Variants in PCDH15 observed in about 807,000 individuals in gnomAD.
PCDH15 encodes the protein protocadherin related 15.
Under a neutral mutation model 178.5 loss-of-function variants are expected in PCDH15, and 129 were observed. The ratio of observed to expected loss-of-function variants is 0.72; its 90% CI spans 0.63 to 0.84. The LOEUF is 0.84. Among genes scored for constraint, PCDH15 ranks in the 40% least tolerant of loss-of-function variants. The probability of loss-of-function intolerance (pLI) is 0.00; values close to 1 mark genes in which losing one functional copy is unlikely to be tolerated. For missense variants in PCDH15, 2,230 were observed against 2,099.9 expected, an observed-to-expected ratio of 1.06 and a Z score of -1.21; for synonymous variants, 800 against 732.0, an observed-to-expected ratio of 1.09 and a Z score of -1.50.
chr10:55,286,102 T>C (rs1031348127), intron 1 of PCDH15, among the ~76,000 whole-genome samples: 2 of 151,986 alleles, frequency 1.3e-5, no homozygotes. Flanking sequence ...AGAACACTCA[T>C]ATAATACCTA....
At chr10:53,968,142 C>T (rs2134391220) in intron 21 of PCDH15, among the ~76,000 whole-genome samples, 1 of 152,286 alleles carries the variant, frequency 6.6e-6, no homozygotes, top group East Asian at 1.9e-4. Flanking sequence ...AAAATTGGTA[C>T]ACTCCCACTC....
At chr10:54,988,067 A>G (rs1395309314) in intron 2 of PCDH15, among the ~76,000 whole-genome samples, 1 of 152,146 alleles carries the variant, frequency 6.6e-6, no homozygotes, top group Non-Finnish European at 1.5e-5. Context: ...GTCCAGTTTC[A>G]GTTTTCTGCA....
chr10:53,834,336 G>C (rs1048766972), intron 29 of PCDH15, among the ~76,000 whole-genome samples: 1 of 152,034 alleles, frequency 6.6e-6, no homozygotes, highest in Non-Finnish European at 1.5e-5. Flanking sequence ...GTTTTCCAAT[G>C]GTTTCTGTAG....
intron 3 of PCDH15, among the ~76,000 whole-genome samples, chr10:54,839,472 T>A (rs1953378572): frequency 6.6e-6 from 1 of 151,920 alleles, no homozygotes; most frequent in Admixed American, 6.6e-5. Context: ...ATTAGCCAGT[T>A]GAAGAAATAA....
chr10:54,092,141 T>A (rs925548906), intron 15 of PCDH15, among the ~76,000 whole-genome samples: 5 of 152,158 alleles, frequency 3.3e-5, no homozygotes, highest in Admixed American at 3.3e-4. Context: ...TGCAACTCCA[T>A]CCTCCTACTT....
chr10:55,456,108 A>T (rs1169720184), intron 2 of PCDH15, among the ~76,000 whole-genome samples: 2 of 152,148 alleles, frequency 1.3e-5, no homozygotes, highest in African/African-American at 4.8e-5. Context: ...ATATGGCTTC[A>T]ACTCTGCTTA....
intron 14 of PCDH15, among the ~76,000 whole-genome samples, chr10:54,136,502 T>C (rs12781225): frequency 0.27 from 41,253 of 151,926 alleles, 6,763 homozygotes; most frequent in East Asian, 0.89. Flanking sequence ...TTCAGTTTAC[T>C]GGTCAAGAAT....
chr10:54,434,752 T>C (rs1421550235), intron 3 of PCDH15, among the ~76,000 whole-genome samples: 1 of 152,188 alleles, frequency 6.6e-6, no homozygotes, highest in African/African-American at 2.4e-5. Flanking sequence ...ATTCACTCTC[T>C]AGAACAAAAT....
At chr10:54,179,827 C>T (rs957845217) in intron 13 of PCDH15, among the ~76,000 whole-genome samples, 3 of 152,130 alleles carry the variant, frequency 2.0e-5, no homozygotes, top group African/African-American at 7.2e-5. Context: ...TTGAGAATCA[C>T]AGTTTAAGAG....
intron 8 of PCDH15, among the ~76,000 whole-genome samples, chr10:54,247,475 G>T (rs1454823215): frequency 6.6e-6 from 1 of 151,932 alleles, no homozygotes; most frequent in Non-Finnish European, 1.5e-5. Context: ...CTGAATTTCT[G>T]TAGGACATCT....
intron 2 of PCDH15, among the ~76,000 whole-genome samples, chr10:55,544,020 G>A (rs1382764360): frequency 6.7e-6 from 1 of 150,360 alleles, no homozygotes; most frequent in Non-Finnish European, 1.5e-5. Context: ...AAATAATTGA[G>A]TCACTGTAGT....
At chr10:54,855,257 G>A (rs1953717079) in intron 3 of PCDH15, among the ~76,000 whole-genome samples, 1 of 152,210 alleles carries the variant, frequency 6.6e-6, no homozygotes, top group South Asian at 2.1e-4. Context: ...AGGAGCAGGA[G>A]ACCCAGGTCT....
chr10:54,131,861 A>G (rs2042464416), intron 15 of PCDH15, among the ~76,000 whole-genome samples: 1 of 152,206 alleles, frequency 6.6e-6, no homozygotes, highest in Non-Finnish European at 1.5e-5. Context: ...ATCATTTTCA[A>G]TACAAACATT....
chr10:54,372,640 T>A (rs1321037702), intron 4 of PCDH15, among the ~76,000 whole-genome samples: 2 of 151,890 alleles, frequency 1.3e-5, no homozygotes, highest in East Asian at 1.9e-4. Flanking sequence ...TTTTGCTTTA[T>A]CTTTCATAAC....
intron 1 of PCDH15, among the ~76,000 whole-genome samples, chr10:55,237,068 T>A (rs1841403070): frequency 6.6e-6 from 1 of 152,148 alleles, no homozygotes; most frequent in South Asian, 2.1e-4. Flanking sequence ...ACTATAAATT[T>A]ATGTATTACT....
intron 35 of PCDH15, among the ~76,000 whole-genome samples, chr10:53,812,314 T>G (rs2075895899): frequency 6.6e-6 from 1 of 152,090 alleles, no homozygotes; most frequent in South Asian, 2.1e-4. Context: ...TTCATGCCAT[T>G]CTCCTGCCTC....
chr10:54,617,524 G>T (rs912203093), intron 2 of PCDH15, among the ~76,000 whole-genome samples: 15 of 151,602 alleles, frequency 9.9e-5, no homozygotes, highest in African/African-American at 3.4e-4. Flanking sequence ...TTGTGACCTG[G>T]GTACCTGGAC....
At chr10:53,960,837 T>C (rs1270447682) in intron 22 of PCDH15, among the ~76,000 whole-genome samples, 1 of 152,190 alleles carries the variant, frequency 6.6e-6, no homozygotes, top group Non-Finnish European at 1.5e-5. Flanking sequence ...GCTATTTCCC[T>C]ACTGTAGAGT....
upstream of PCDH15, among the ~76,000 whole-genome samples, chr10:55,320,501 C>T (rs1396270050): frequency 6.6e-6 from 1 of 152,220 alleles, no homozygotes; most frequent in Non-Finnish European, 1.5e-5. Flanking sequence ...AGCAAAGTTC[C>T]TGCTGTCACT....
Sources: gnomAD v4.1 joint callset for allele counts (sites outside exome capture counted in the v4.1 genomes callset) on GRCh38, gnomAD v4.1.1 for gene constraint, MANE v1.5 for transcripts, NCBI Gene and HGNC (gene_info 2026-07-23, HGNC 2026-07-21) for gene names.